The following STIM1 variants were observed in gnomAD, a reference collection of about 807,000 sequenced individuals.
STIM1 encodes stromal interaction molecule 1.
In STIM1, 25 loss-of-function variants were observed where a neutral mutation model predicts 74.7. The ratio of observed to expected loss-of-function variants is 0.33; its 90% CI spans 0.24 to 0.47. STIM1 has a LOEUF of 0.47. STIM1 is among the 20% of genes least tolerant of loss of function. The pLI is 1.00. For synonymous variants in STIM1, 328 were observed against 348.8 expected (o/e 0.94, Z 0.66); for missense variants, 728 against 920.8 (o/e 0.79, Z 2.71).
Position 4,033,501 on chromosome 11 carries a change from C to CT in STIM1, c.385+9523dup, listed in dbSNP as rs554429875. On this transcript the variant is annotated intron_variant, in intron 3 of 12. Coordinates refer to ENST00000526596, the MANE Select transcript of STIM1 (RefSeq NM_001382567.1). ...GTTTTACTTCATTTCCAATCTGATG[C>CT]TTTTTTTTTCTTTTTCTTGCCTGAT... is the stretch of plus-strand genomic sequence containing the variant. 2.1e-3 allele frequency among the ~76,000 whole-genome samples: 317 copies of CT among 150,686 alleles called. 1 individual carries two copies. The highest frequency in any genetic ancestry group is 3.0e-3 in the Non-Finnish European group (201 of 67,618).
At chr11:3,894,650 T>C (rs12792666) in intron 1 of STIM1, among the ~76,000 whole-genome samples, 34,213 of 152,140 alleles carry the variant, frequency 0.22, 4,687 homozygotes, top group East Asian at 0.3. Flanking sequence ...AGGGTCCTGG[T>C]AGCTGTGTTT....
chr11:4,000,424 T>C (rs1178175692), intron 2 of STIM1, among the ~76,000 whole-genome samples: 3 of 151,854 alleles, frequency 2.0e-5, no homozygotes, highest in Admixed American at 2.0e-4. Context: ...CATTCGCGGA[T>C]CATGAAAATC....
At chr11:3,889,642 A>G (rs2091838008) in intron 1 of STIM1, among the ~76,000 whole-genome samples, 1 of 152,180 alleles carries the variant, frequency 6.6e-6, no homozygotes, top group Non-Finnish European at 1.5e-5. Flanking sequence ...GAGATGGACA[A>G]AATAAGAGGT....
chr11:3,962,830 T>C (rs952294315), intron 1 of STIM1, among the ~76,000 whole-genome samples: 19 of 152,228 alleles, frequency 1.2e-4, no homozygotes, highest in African/African-American at 4.6e-4. Context: ...GCTTATCTGT[T>C]CTACAGTGAG....
intron 1 of STIM1, among the ~76,000 whole-genome samples, chr11:3,865,798 C>T (rs1252720927): frequency 2.0e-5 from 3 of 152,144 alleles, no homozygotes; most frequent in African/African-American, 4.8e-5. Flanking sequence ...TGGGGTTACT[C>T]GTGGCCACCT....
intron 1 of STIM1, among the ~76,000 whole-genome samples, chr11:3,958,911 C>T (rs566907206): frequency 6.6e-6 from 1 of 151,128 alleles, no homozygotes; most frequent in South Asian, 2.1e-4. Context: ...AGCTATTGCA[C>T]TCCAGCCTGG....
rs188141963 is a variant in STIM1, at chr11:3,928,426, C to T, written c.140-39126C>T. ...ATTTTTAGTGGAGACGAAGTTTCAC[C>T]GTGTTGGCCAGGCTGGTCTTGAACT... On this transcript the variant is annotated intron_variant, in intron 1 of 12. Transcript: ENST00000526596. Among the ~76,000 whole-genome samples, 8 of 152,148 alleles carry T rather than the reference C, an allele frequency of 5.3e-5. No individual in the cohort carries two copies. The East Asian group carries it at 9.7e-4, about 18-fold the overall frequency.
At chr11:4,016,816 C>T (rs1008124770) in intron 2 of STIM1, among the ~76,000 whole-genome samples, 9 of 152,294 alleles carry the variant, frequency 5.9e-5, no homozygotes, top group African/African-American at 1.9e-4. Context: ...TGTCCCGGGT[C>T]GATCTCAGAC....
chr11:4,010,921 G>A (rs1379976961), intron 2 of STIM1, among the ~76,000 whole-genome samples: 1 of 151,758 alleles, frequency 6.6e-6, no homozygotes, highest in Non-Finnish European at 1.5e-5. Flanking sequence ...CCCTCTGTCT[G>A]TATGTTCTCA....
intron 1 of STIM1, among the ~76,000 whole-genome samples, chr11:3,953,639 G>A (rs185347258): frequency 8.9e-4 from 136 of 152,302 alleles, no homozygotes; most frequent in Admixed American, 2.9e-3. Context: ...GGTGTTAAAA[G>A]AGCAACGGCC....
At chr11:3,926,767 A>G (rs763575587) in intron 1 of STIM1, among the ~76,000 whole-genome samples, 2 of 152,316 alleles carry the variant, frequency 1.3e-5, no homozygotes, top group East Asian at 3.9e-4. Context: ...TAACCTTAGG[A>G]TGGAGGATAG....
intron 1 of STIM1, among the ~76,000 whole-genome samples, chr11:3,958,844 C>T (rs1031936112): frequency 1.3e-5 from 2 of 151,532 alleles, no homozygotes; most frequent in Non-Finnish European, 2.9e-5. Context: ...GCAGTGGAGG[C>T]TGAGGCAGGA....
intron 3 of STIM1, among the ~76,000 whole-genome samples, chr11:4,030,318 C>A (rs1295733224): frequency 1.6e-5 from 2 of 128,122 alleles, no homozygotes; most frequent in Non-Finnish European, 1.6e-5. Flanking sequence ...AAGAGTGAAA[C>A]TCCATCTCAA....
At chr11:3,941,516 A>G (rs1163422219) in intron 1 of STIM1, among the ~76,000 whole-genome samples, 1 of 151,818 alleles carries the variant, frequency 6.6e-6, no homozygotes, top group African/African-American at 2.4e-5. Context: ...TTGTCAAATA[A>G]CGTGAGTTCT....
At position 4,091,483 on chromosome 11, in the gene STIM1, G is replaced by A. The variant is rs1427875956; in HGVS notation, c.1836G>A (p.Lys612=). Residue 612 remains lysine, a synonymous_variant, in exon 13 of 13, where the codon AAG becomes AAA. Coordinates refer to ENST00000526596, the MANE Select transcript of STIM1 (RefSeq NM_001382567.1). The part of the protein sequence containing the change: ...KLPDSPALAK[K]ALLALNHGLD... Reference sequence around the variant, plus strand: ...CTGACAGCCCTGCCCTGGCCAAGAAGGCATTACTGGCGCTGAACCATGGGC... The same window carrying A: ...CTGACAGCCCTGCCCTGGCCAAGAAAGCATTACTGGCGCTGAACCATGGGC... 2.5e-6 allele frequency: 4 copies of A among 1,614,066 alleles called. No individual in the cohort carries two copies. The highest frequency in any genetic ancestry group is 1.1e-5 in the South Asian group (1 of 91,092).
intron 1 of STIM1, among the ~76,000 whole-genome samples, chr11:3,862,500 G>A (rs1253161043): frequency 3.9e-5 from 6 of 152,106 alleles, no homozygotes; most frequent in Admixed American, 6.5e-5. Flanking sequence ...ACCTTCACTC[G>A]CCAAGGGTTA....
chr11:3,924,570 A>G (rs1395970042), intron 1 of STIM1, among the ~76,000 whole-genome samples: 1 of 152,086 alleles, frequency 6.6e-6, no homozygotes, highest in Non-Finnish European at 1.5e-5. Context: ...CAATAGTATT[A>G]CTGTATTTTA....
chr11:3,968,973 G>A (rs892204486), intron 2 of STIM1, among the ~76,000 whole-genome samples: 1 of 152,208 alleles, frequency 6.6e-6, no homozygotes, highest in Non-Finnish European at 1.5e-5. Flanking sequence ...GAATATCAGT[G>A]CAGATCTGAT....
At chr11:4,011,487 A>C (rs982068434) in intron 2 of STIM1, among the ~76,000 whole-genome samples, 2 of 152,052 alleles carry the variant, frequency 1.3e-5, no homozygotes, top group Non-Finnish European at 2.9e-5. Flanking sequence ...GAAGATGAGC[A>C]TTTTTTCATG....
Sources: gnomAD v4.1 joint callset for allele counts (sites outside exome capture counted in the v4.1 genomes callset) on GRCh38, gnomAD v4.1.1 for gene constraint, MANE v1.5 for transcripts, NCBI Gene and HGNC (gene_info 2026-07-23, HGNC 2026-07-21) for gene names.